The following PLPP1 variants were observed in gnomAD, a reference collection of about 807,000 sequenced individuals.
PLPP1 encodes phospholipid phosphatase 1.
PLPP1 carries 24 observed loss-of-function variants against 31.2 expected under a neutral mutation model. The observed-to-expected ratio is 0.77, with a 90% CI of 0.56 to 1.08. PLPP1 has a LOEUF of 1.08. PLPP1 is among the 50% of genes least tolerant of loss of function. The pLI is 0.00. For synonymous variants in PLPP1, 146 were observed against 126.3 expected (o/e 1.16, Z -1.05); for missense variants, 319 against 342.7 (o/e 0.93, Z 0.55).
intron 2 of PLPP1, 48 bp from the exon 3 acceptor site, chr5:55,468,197 T>G (rs1201591436): frequency 3.4e-6 from 5 of 1,468,192 alleles, no homozygotes; most frequent in Middle Eastern, 2.5e-4. Flanking sequence ...AAGCAGGCAC[T>G]TTAAACAAAA....
chr5:55,524,091 C>G (rs1753730295), intron 1 of PLPP1, among the ~76,000 whole-genome samples: 1 of 152,128 alleles, frequency 6.6e-6, no homozygotes, highest in Non-Finnish European at 1.5e-5. Flanking sequence ...TACTTTAAAA[C>G]AACATTGTGC....
intron 1 of PLPP1, among the ~76,000 whole-genome samples, chr5:55,478,918 A>G (rs1752614281): frequency 6.6e-6 from 1 of 152,208 alleles, no homozygotes; most frequent in Non-Finnish European, 1.5e-5. Context: ...TATTCTGTTG[A>G]GAGAATCAAG....
intron 1 of PLPP1, among the ~76,000 whole-genome samples, chr5:55,490,626 G>A (rs1458485658): frequency 1.3e-5 from 2 of 152,034 alleles, no homozygotes; most frequent in African/African-American, 4.8e-5. Flanking sequence ...TCTGCCGTAC[G>A]ATAGCTTACT....
At chr5:55,452,599 G>A (rs1306697021) in intron 3 of PLPP1, among the ~76,000 whole-genome samples, 1 of 152,126 alleles carries the variant, frequency 6.6e-6, no homozygotes, top group East Asian at 1.9e-4. Flanking sequence ...ACCTTTGCCT[G>A]AAATCAGCTC....
intron 4 of PLPP1, among the ~76,000 whole-genome samples, chr5:55,432,535 G>T (rs1025057854): frequency 1.3e-5 from 2 of 152,132 alleles, no homozygotes; most frequent in African/African-American, 4.8e-5. Flanking sequence ...TTCATGAGGT[G>T]AGCATTACCC....
rs1011284070 is a variant in PLPP1, at chr5:55,534,744, T to A, written c.-115A>T. On this transcript the variant is annotated 5_prime_UTR_variant, in exon 1 of 6. Coordinates refer to ENST00000307259, the MANE Select transcript of PLPP1 (RefSeq NM_003711.4). The stretch of plus-strand genomic sequence containing the variant: ...GGCGACGGCCCCGAGCTACGGCCCC[T>A]CCCAGCCGGAGGAGGAGAGCAGCCG... 1.8e-6 allele frequency: 2 copies of A among 1,132,388 alleles called. No individual in the cohort carries two copies. The highest frequency in any genetic ancestry group is 2.4e-6 in the Non-Finnish European group (2 of 825,902). 70.1% of individuals were successfully genotyped at this position (1,132,388 alleles called of 1,614,324 possible). A position where few individuals can be genotyped will look rare whatever the true frequency, so the allele number is the denominator to read the frequency against.
At position 55,475,426 on chromosome 5, in the gene PLPP1, G is replaced by T. The variant is rs1752515521; in HGVS notation, c.83C>A (p.Thr28Asn). 6.2e-7 allele frequency: 1 copy of T among 1,604,470 alleles called. No individual in the cohort carries two copies. Among genetic ancestry groups the T allele is most frequent in the Non-Finnish European group, 8.5e-7 (1 of 1,177,324 alleles). The part of the protein sequence containing the change: ...LLAGLPFAIL[T>N]SRHTPFQRGV... The stretch of plus-strand genomic sequence containing the variant: ...TCGTTGGAAGGGGGTATGCCTTGAA[G>T]TAAGAATTGCAAAAGGCAATCCAGC... Residue 28 changes from threonine to asparagine, a missense_variant, in exon 2 of 6, where the codon ACT becomes AAT. Thr to Asn is a moderately conservative substitution (Grantham distance 65). Coordinates refer to ENST00000307259, the MANE Select transcript of PLPP1 (RefSeq NM_003711.4).
intron 4 of PLPP1, 95 bp downstream of exon 4, chr5:55,441,756 T>G: frequency 7.7e-7 from 1 of 1,300,332 alleles, no homozygotes; most frequent in South Asian, 1.2e-5. Flanking sequence ...CTTTTGCTAC[T>G]GGCTAATTTA....
chr5:55,443,218 C>T (rs1342725852), intron 3 of PLPP1, among the ~76,000 whole-genome samples: 33 of 54,852 alleles, frequency 6.0e-4, no homozygotes, highest in South Asian at 5.8e-3. Context: ...TATATACACA[C>T]ACACACACAC....
chr5:55,495,622 C>A (rs1191694711), intron 1 of PLPP1, among the ~76,000 whole-genome samples: 1 of 152,024 alleles, frequency 6.6e-6, no homozygotes, highest in Admixed American at 6.5e-5. Flanking sequence ...ACAATGGTAT[C>A]TTCATAAAGA....
At chr5:55,471,635 G>C (rs769938634) in intron 2 of PLPP1, among the ~76,000 whole-genome samples, 1 of 152,096 alleles carries the variant, frequency 6.6e-6, no homozygotes, top group Admixed American at 6.5e-5. Flanking sequence ...CTACCTGCCA[G>C]CTCCCTCAAT....
intron 3 of PLPP1, among the ~76,000 whole-genome samples, chr5:55,443,192 A>AAAAAATAT: frequency 7.9e-5 from 2 of 25,440 alleles, no homozygotes; most frequent in Admixed American, 1.6e-3. Flanking sequence ...AAAAAAAAAA[A>AAAAAATAT]ATATATATAT....
In PLPP1 at chr5:55,500,218, T is replaced by C. The variant is rs1415205509; in HGVS notation, c.59-24768A>G. Among the ~76,000 whole-genome samples the C allele has an allele frequency of 3.9e-5, 6 of 152,076 alleles. No homozygotes were observed. In the East Asian group the frequency reaches 9.7e-4, roughly 25 times the overall value. Reference sequence around the variant, plus strand: ...CCTCAGCCTCCCGAGTAGCTGGGACTACAGGCGCCCGCCACCACGCCCAGC... The same window carrying C: ...CCTCAGCCTCCCGAGTAGCTGGGACCACAGGCGCCCGCCACCACGCCCAGC... On this transcript the variant is annotated intron_variant, in intron 1 of 5. Coordinates refer to ENST00000307259, the MANE Select transcript of PLPP1 (RefSeq NM_003711.4).
At chr5:55,427,529 AGCTAGTCCCAT>A (rs1219273984) in intron 4 of PLPP1, among the ~76,000 whole-genome samples, 15 of 152,224 alleles carry the variant, frequency 9.9e-5, no homozygotes, top group Non-Finnish European at 1.6e-4. Flanking sequence ...AATGGACTTA[AGCTAGTCCCAT>A]GCTACTTCCA....
At chr5:55,530,001 T>G (rs1740606532) in intron 1 of PLPP1, among the ~76,000 whole-genome samples, 1 of 152,204 alleles carries the variant, frequency 6.6e-6, no homozygotes, top group South Asian at 2.1e-4. Flanking sequence ...AGGATGAAGT[T>G]TTTAGAAGCC....
chr5:55,458,914 A>AAAAAAAAAAC (rs1387046910), intron 3 of PLPP1, among the ~76,000 whole-genome samples: 66 of 148,972 alleles, frequency 4.4e-4, no homozygotes, highest in Non-Finnish European at 8.1e-4. Flanking sequence ...AAAAAAAAAA[A>AAAAAAAAAAC]AACACATAGC....
intron 1 of PLPP1, among the ~76,000 whole-genome samples, chr5:55,501,906 A>C (rs1184214351): frequency 6.6e-6 from 1 of 152,218 alleles, no homozygotes; most frequent in Non-Finnish European, 1.5e-5. Flanking sequence ...GTTCAGTAGA[A>C]GGGGATAAAT....
chr5:55,442,781 A>G (rs1751654541), intron 3 of PLPP1, among the ~76,000 whole-genome samples: 1 of 152,170 alleles, frequency 6.6e-6, no homozygotes, highest in African/African-American at 2.4e-5. Flanking sequence ...CCACCTAAAA[A>G]TGACAGAATG....
chr5:55,508,196 A>T (rs1753326037), intron 1 of PLPP1, among the ~76,000 whole-genome samples: 2 of 151,878 alleles, frequency 1.3e-5, no homozygotes, highest in Non-Finnish European at 2.9e-5. Context: ...AGTTCGCATG[A>T]CCTCCCCAAA....
Sources: allele counts gnomAD v4.1 joint callset (sites outside exome capture counted in the v4.1 genomes callset), GRCh38; gene constraint gnomAD v4.1.1; transcripts MANE v1.5; gene names NCBI Gene and HGNC (gene_info 2026-07-23, HGNC 2026-07-21).